The following TNIK variants were observed in gnomAD, a reference collection of about 807,000 sequenced individuals.
TNIK encodes the protein TRAF2 and NCK-interacting protein kinase.
A neutral mutation model predicts 191.3 loss-of-function variants in TNIK; 49 were observed. The observed-to-expected ratio is 0.26, with a 90% CI of 0.20 to 0.32. The LOEUF is 0.32. TNIK is among the 10% of genes least tolerant of loss of function. The probability of loss-of-function intolerance (pLI) is 1.00; values close to 1 mark genes in which losing one functional copy is unlikely to be tolerated. For missense variants in TNIK, 1,155 were observed against 1,702.3 expected, an observed-to-expected ratio of 0.68 and a Z score of 5.66; for synonymous variants, 594 against 600.9, an observed-to-expected ratio of 0.99 and a Z score of 0.17.
intron 2 of TNIK, among the ~76,000 whole-genome samples, chr3:171,298,167 T>C (rs1406819797): frequency 1.3e-5 from 2 of 152,222 alleles, no homozygotes; most frequent in African/African-American, 4.8e-5. Flanking sequence ...AAAGTGTGTG[T>C]TGGTTTCTAT....
rs557128679 is a variant in TNIK, at chr3:171,148,761, G to C, written c.1222-8252C>G. 2.0e-5 allele frequency among the ~76,000 whole-genome samples: 3 copies of C among 152,280 alleles called. No individual in the cohort carries two copies. In the East Asian group the frequency reaches 5.8e-4, roughly 29 times the overall value. On this transcript the variant is annotated intron_variant, in intron 12 of 32. Coordinates refer to ENST00000436636, the MANE Select transcript of TNIK (RefSeq NM_015028.4). Reference sequence around the variant, plus strand: ...CACATTTCTAGGGCAGATATGCAGGGAATTTCAGTTTTATTTGGCACAACC... The same window carrying C: ...CACATTTCTAGGGCAGATATGCAGGCAATTTCAGTTTTATTTGGCACAACC...
intron 2 of TNIK, among the ~76,000 whole-genome samples, chr3:171,326,613 G>A (rs2108351974): frequency 6.6e-6 from 1 of 152,208 alleles, no homozygotes; most frequent in Non-Finnish European, 1.5e-5. Flanking sequence ...AAATCTAACA[G>A]TTTGTCCTGA....
At chr3:171,234,195 TAGACA>T (rs1323444432) in intron 2 of TNIK, among the ~76,000 whole-genome samples, 1 of 152,278 alleles carries the variant, frequency 6.6e-6, no homozygotes, top group East Asian at 1.9e-4. Context: ...GGCAAAGAGG[TAGACA>T]AGACAACTTT....
chr3:171,359,024 C>T (rs1577623542), intron 2 of TNIK, among the ~76,000 whole-genome samples: 1 of 152,096 alleles, frequency 6.6e-6, no homozygotes, highest in Non-Finnish European at 1.5e-5. Context: ...TGAAAAAGTT[C>T]TGGAGATGGG....
At chr3:171,281,259 G>A (rs1750396640) in intron 2 of TNIK, among the ~76,000 whole-genome samples, 1 of 152,068 alleles carries the variant, frequency 6.6e-6, no homozygotes, top group African/African-American at 2.4e-5. Flanking sequence ...AGCCTCCCAT[G>A]CCCTTTCTCA....
intron 9 of TNIK, among the ~76,000 whole-genome samples, chr3:171,170,731 T>C (rs1442537174): frequency 6.6e-6 from 1 of 152,150 alleles, no homozygotes; most frequent in Non-Finnish European, 1.5e-5. Flanking sequence ...GAACACAGCA[T>C]CCGCCTTTAG....
rs533303383 is a variant in TNIK at position 171,063,674 on chromosome 3, T to G, written c.*207A>C. The G allele has an allele frequency of 1.3e-5, 6 of 478,480 alleles. No individual in the cohort carries two copies. Among genetic ancestry groups the G allele is most frequent in the Non-Finnish European group, 2.2e-5 (6 of 271,742 alleles). The allele number at this position is 478,480 out of a possible 1,614,324, so 29.6% of individuals were successfully genotyped here. A position where few individuals can be genotyped will look rare whatever the true frequency, so the allele number is the denominator to read the frequency against. On this transcript the variant is annotated 3_prime_UTR_variant, in exon 33 of 33. Coordinates refer to ENST00000436636, the MANE Select transcript of TNIK (RefSeq NM_015028.4). The stretch of plus-strand genomic sequence containing the variant: ...GCATTCTTGGGGATCTCCTGGAAAT[T>G]CCTGCCACCTTTTTCTCTCCTTCTC...
chr3:171,228,324 T>C, intron 2 of TNIK, 103 bp from the exon 3 acceptor site: 3 of 1,152,512 alleles, frequency 2.6e-6, no homozygotes, highest in Non-Finnish European at 3.8e-6. Context: ...CTGTACTATG[T>C]CAATGGGGGG....
At chr3:171,262,340 T>A (rs942803678) in intron 2 of TNIK, among the ~76,000 whole-genome samples, 2 of 152,034 alleles carry the variant, frequency 1.3e-5, no homozygotes, top group Non-Finnish European at 2.9e-5. Flanking sequence ...CTGAATGTCA[T>A]TCTTCATCAC....
intron 1 of TNIK, among the ~76,000 whole-genome samples, chr3:171,400,810 C>A (rs1391213993): frequency 2.0e-5 from 3 of 152,100 alleles, no homozygotes; most frequent in African/African-American, 7.2e-5. Flanking sequence ...ACCATATGCC[C>A]CCAAAGATAC....
intron 2 of TNIK, among the ~76,000 whole-genome samples, chr3:171,357,780 G>T (rs535807624): frequency 6.6e-6 from 1 of 152,172 alleles, no homozygotes. Context: ...TAGCCAACAG[G>T]GGGTGAGGAA....
chr3:171,458,142 C>T (rs933905050), intron 1 of TNIK, among the ~76,000 whole-genome samples: 5 of 151,034 alleles, frequency 3.3e-5, no homozygotes, highest in Non-Finnish European at 7.4e-5. Flanking sequence ...CCCCCTTTGC[C>T]ACTTCCCGCC....
intron 1 of TNIK, among the ~76,000 whole-genome samples, chr3:171,407,421 A>G (rs1721838467): frequency 6.6e-6 from 1 of 152,126 alleles, no homozygotes; most frequent in African/African-American, 2.4e-5. Flanking sequence ...GCTTTGGTCC[A>G]TTTCTTCTCA....
intron 2 of TNIK, among the ~76,000 whole-genome samples, chr3:171,296,891 C>T (rs1316541862): frequency 6.6e-6 from 1 of 152,194 alleles, no homozygotes; most frequent in Non-Finnish European, 1.5e-5. Flanking sequence ...AGTATTCTAT[C>T]TTTACTTTCA....
chr3:171,356,901 G>A (rs928616865), intron 2 of TNIK, among the ~76,000 whole-genome samples: 7 of 152,108 alleles, frequency 4.6e-5, no homozygotes, highest in African/African-American at 1.4e-4. Flanking sequence ...ATTGATATCA[G>A]TGATGTCAAC....
rs532048482 is a variant in TNIK at position 171,223,073 on chromosome 3, G to C, written c.180+5092C>G. ...TTGTCACAGTATTAAATTCCTTCAT[G>C]ACCTGGCCCCTCCTAATGTGTCTAG... is the stretch of plus-strand genomic sequence containing the variant. On this transcript the variant is annotated intron_variant, in intron 3 of 32. Coordinates refer to ENST00000436636, the MANE Select transcript of TNIK (RefSeq NM_015028.4). Among the ~76,000 whole-genome samples the C allele has an allele frequency of 2.6e-4, 40 of 152,274 alleles. 1 individual carries two copies. Among genetic ancestry groups the C allele is most frequent in the Admixed American group, 2.4e-3 (36 of 15,288 alleles).
chr3:171,431,304 A>C (rs944328492), intron 1 of TNIK, among the ~76,000 whole-genome samples: 2 of 152,132 alleles, frequency 1.3e-5, no homozygotes, highest in African/African-American at 4.8e-5. Flanking sequence ...GGTAGCTGCT[A>C]TGATAGATCT....
At chr3:171,307,082 A>G (rs1004329920) in intron 2 of TNIK, among the ~76,000 whole-genome samples, 17 of 152,198 alleles carry the variant, frequency 1.1e-4, no homozygotes, top group African/African-American at 3.9e-4. Context: ...AAAGGTAGCT[A>G]GTCTAAAAAC....
At chr3:171,248,246 G>A (rs1032169481) in intron 2 of TNIK, among the ~76,000 whole-genome samples, 1 of 152,152 alleles carries the variant, frequency 6.6e-6, no homozygotes, top group Non-Finnish European at 1.5e-5. Context: ...TGAAGGCAGG[G>A]GCAGCGGAAG....
Sources: allele counts gnomAD v4.1 joint callset (sites outside exome capture counted in the v4.1 genomes callset), GRCh38; gene constraint gnomAD v4.1.1; transcripts MANE v1.5; gene names NCBI Gene and HGNC (gene_info 2026-07-23, HGNC 2026-07-21).